The following PAPOLG variants were observed in gnomAD, a reference collection of about 807,000 sequenced individuals.
PAPOLG encodes poly(A) polymerase gamma, also known as PAP-gamma.
A neutral mutation model predicts 99.0 loss-of-function variants in PAPOLG; 40 were observed. The ratio of observed to expected loss-of-function variants is 0.40; its 90% CI spans 0.31 to 0.53. The LOEUF is 0.53. Among genes scored for constraint, PAPOLG ranks in the 20% least tolerant of loss-of-function variants. PAPOLG has a pLI of 0.41. For missense variants in PAPOLG, 675 were observed against 884.1 expected (o/e 0.76, Z 3.00); for synonymous variants, 310 against 299.3 (o/e 1.04, Z -0.37).
chr2:60,779,022 G>C (rs981701841), intron 8 of PAPOLG, among the ~76,000 whole-genome samples: 2 of 151,834 alleles, frequency 1.3e-5, no homozygotes, highest in African/African-American at 4.8e-5. Context: ...AGGAGTTTGA[G>C]GCTACAGTGA....
chr2:60,777,529 G>C (rs1671057395), intron 8 of PAPOLG, among the ~76,000 whole-genome samples: 1 of 152,186 alleles, frequency 6.6e-6, no homozygotes, highest in Non-Finnish European at 1.5e-5. Context: ...TCACTGGAGA[G>C]TAGCACTTGT....
chr2:60,797,354 C>T lies in PAPOLG; in HGVS notation c.*194C>T. 4.8e-6 allele frequency: 3 copies of T among 620,442 alleles called. No homozygotes were observed. The highest frequency in any genetic ancestry group is 3.0e-5 in the Admixed American group (1 of 33,734). 38.4% of individuals were successfully genotyped at this position (620,442 alleles called of 1,614,324 possible). ...TGCTGTAGCATTCTCTCACTGATTG[C>T]TACATACACTTCTCTGAGGATCACC... is the stretch of plus-strand genomic sequence containing the variant. On this transcript the variant is annotated 3_prime_UTR_variant, in exon 22 of 22. Transcript: ENST00000238714.
chr2:60,792,874 A>G (rs1392553424), intron 17 of PAPOLG, among the ~76,000 whole-genome samples: 1 of 152,094 alleles, frequency 6.6e-6, no homozygotes, highest in African/African-American at 2.4e-5. Context: ...CATCTCTACT[A>G]AAAATGCAAA....
At chr2:60,769,575 C>A (rs914457194) in intron 5 of PAPOLG, among the ~76,000 whole-genome samples, 7 of 152,114 alleles carry the variant, frequency 4.6e-5, no homozygotes, top group Non-Finnish European at 8.8e-5. Context: ...TTAAGGAAGA[C>A]TCAGAAAACC....
chr2:60,788,194 C>T (rs535524617), intron 15 of PAPOLG, among the ~76,000 whole-genome samples: 35 of 152,094 alleles, frequency 2.3e-4, no homozygotes, highest in Non-Finnish European at 4.7e-4. Context: ...TAGAATATCT[C>T]TGGAAGGATA....
chr2:60,761,626 A>T, intron 2 of PAPOLG, 115 bp from the exon 3 acceptor site: 1 of 833,490 alleles, frequency 1.2e-6, no homozygotes, highest in Middle Eastern at 3.6e-4. Flanking sequence ...ATTATCACAT[A>T]TATGTTATGG....
chr2:60,785,171 C>G (rs574019368), intron 13 of PAPOLG, among the ~76,000 whole-genome samples: 1 of 151,564 alleles, frequency 6.6e-6, no homozygotes, highest in African/African-American at 2.4e-5. Context: ...TGGAGTCTTG[C>G]TTTGTCACCC....
At chr2:60,796,996 C>T (rs1671727787) in intron 21 of PAPOLG, 66 bp from the exon 22 acceptor site, 2 of 1,584,246 alleles carry the variant, frequency 1.3e-6, no homozygotes, top group Middle Eastern at 1.7e-4. Flanking sequence ...GACTGACTTT[C>T]TAGCTGGGCC....
At chr2:60,787,701 T>C in intron 15 of PAPOLG, 81 bp downstream of exon 15, 1 of 1,517,536 alleles carries the variant, frequency 6.6e-7, no homozygotes, top group East Asian at 2.4e-5. Context: ...TGGCTGGCTG[T>C]ACTTATTAAA....
chr2:60,791,206 A>G (rs990290553), intron 15 of PAPOLG, among the ~76,000 whole-genome samples: 10 of 152,372 alleles, frequency 6.6e-5, no homozygotes, highest in Non-Finnish European at 1.5e-4. Flanking sequence ...TATTTATTCT[A>G]TCAACAAGGT....
intron 2 of PAPOLG, 85 bp from the exon 3 acceptor site, chr2:60,761,656 C>G (rs1670524717): frequency 8.5e-7 from 1 of 1,174,352 alleles, no homozygotes; most frequent in Non-Finnish European, 1.2e-6. Flanking sequence ...AGCATCAACA[C>G]AAAGGGTACT....
intron 21 of PAPOLG, among the ~76,000 whole-genome samples, chr2:60,796,174 C>T (rs1671689472): frequency 6.9e-6 from 1 of 145,536 alleles, no homozygotes; most frequent in South Asian, 2.2e-4. Context: ...TGACAAGAAA[C>T]TATCCCCATT....
chr2:60,791,991 T>G, intron 16 of PAPOLG, 109 bp downstream of exon 16: 1 of 1,464,336 alleles, frequency 6.8e-7, no homozygotes, highest in Non-Finnish European at 9.2e-7. Flanking sequence ...AAGGAAGATA[T>G]AGGCAGTTCA....
At chr2:60,789,518 C>T (rs1384038484) in intron 15 of PAPOLG, among the ~76,000 whole-genome samples, 1 of 152,006 alleles carries the variant, frequency 6.6e-6, no homozygotes, top group African/African-American at 2.4e-5. Flanking sequence ...TTACAGGTGT[C>T]AACCACCGCA....
In PAPOLG at chr2:60,793,980, C is replaced by T. The variant is rs759064904; in HGVS notation, c.1778C>T (p.Ser593Phe). 6.2e-7 allele frequency: 1 copy of T among 1,607,382 alleles called. No homozygotes were observed. The highest frequency in any genetic ancestry group is 1.1e-5 in the South Asian group (1 of 90,026). Residue 593 changes from serine (S) to phenylalanine (F), a missense_variant, in exon 19 of 22, where the codon TCT (serine) becomes TTT (phenylalanine). Ser to Phe is a radical substitution (Grantham distance 155). Transcript: ENST00000238714. ...TTTTTTTCCTTTTCAGAAGTTGACT[C>T]TACAGTAAAAACTGTATCACCCCCC... ...SIPVIGAKVDSTVKTVSPPTV... is the reference protein window; with the variant it reads ...SIPVIGAKVDFTVKTVSPPTV...
intron 8 of PAPOLG, among the ~76,000 whole-genome samples, chr2:60,775,762 C>CTTT (rs56074091): frequency 4.1e-5 from 6 of 145,922 alleles, no homozygotes; most frequent in African/African-American, 2.5e-5. Flanking sequence ...ATACTGTAGT[C>CTTT]TTTTTTTTTT....
At chr2:60,761,957 T>A in intron 3 of PAPOLG, 150 bp downstream of exon 3, 2 of 647,464 alleles carry the variant, frequency 3.1e-6, no homozygotes, top group Non-Finnish European at 5.4e-6. Flanking sequence ...GACAGTTGAA[T>A]TTCTAAGTAG....
chr2:60,768,635 C>G (rs1670757178), intron 4 of PAPOLG, 84 bp downstream of exon 4: 1 of 1,346,148 alleles, frequency 7.4e-7, no homozygotes, highest in South Asian at 1.3e-5. Flanking sequence ...ACAAAGTTCC[C>G]ACTATTTCAC....
chr2:60,796,916 G>A, intron 21 of PAPOLG, 146 bp from the exon 22 acceptor site: 2 of 982,004 alleles, frequency 2.0e-6, no homozygotes, highest in South Asian at 3.7e-5. Flanking sequence ...GAACACGGAA[G>A]GAAATATTCA....
Sources: gnomAD v4.1 joint callset for allele counts (sites outside exome capture counted in the v4.1 genomes callset) on GRCh38, gnomAD v4.1.1 for gene constraint, MANE v1.5 for transcripts, NCBI Gene and HGNC (gene_info 2026-07-23, HGNC 2026-07-21) for gene names.